The following BAIAP2 variants were observed in gnomAD, a reference collection of about 807,000 sequenced individuals.
BAIAP2 encodes the protein BAR/IMD domain containing adaptor protein 2, also known as BAR/IMD domain-containing adapter protein 2.
A neutral mutation model predicts 63.0 loss-of-function variants in BAIAP2; 18 were observed. The observed-to-expected ratio is 0.29, with a 90% confidence interval of 0.20 to 0.42. The LOEUF (loss-of-function observed/expected upper bound fraction) is 0.42, where lower values mean the gene tolerates loss of function less well. BAIAP2 is among the 10% of genes least tolerant of loss of function. BAIAP2 has a pLI of 1.00. For missense variants in BAIAP2, 610 were observed against 734.3 expected (o/e 0.83, Z 1.96); for synonymous variants, 386 against 307.6 (o/e 1.25, Z -2.67).
intron 3 of BAIAP2, among the ~76,000 whole-genome samples, chr17:81,079,109 C>T (rs1229233475): frequency 6.6e-6 from 1 of 152,224 alleles, no homozygotes; most frequent in Non-Finnish European, 1.5e-5. Context: ...CAAGCAGAAC[C>T]AACCCGAGGA....
intron 13 of BAIAP2, 111 bp downstream of exon 13, chr17:81,108,620 G>A (rs939869914): frequency 2.4e-5 from 34 of 1,409,022 alleles, no homozygotes; most frequent in Non-Finnish European, 3.2e-5. Context: ...TTAGGGCCCA[G>A]CCTGGCCCTT....
intron 3 of BAIAP2, among the ~76,000 whole-genome samples, chr17:81,078,897 G>A (rs1322327843): frequency 6.6e-6 from 1 of 152,132 alleles, no homozygotes; most frequent in African/African-American, 2.4e-5. Flanking sequence ...CCTTTGAGCT[G>A]TGGGGGTGTC....
At chr17:81,099,680 C>G (rs975318865) in intron 6 of BAIAP2, among the ~76,000 whole-genome samples, 2 of 152,142 alleles carry the variant, frequency 1.3e-5, no homozygotes, top group Non-Finnish European at 2.9e-5. Context: ...TCCACTCACC[C>G]AGAGTGGTCC....
chr17:81,107,288 C>A, intron 12 of BAIAP2: 1 of 206,022 alleles, frequency 4.9e-6, no homozygotes, highest in Non-Finnish European at 9.7e-6. Flanking sequence ...GGATCTCTTC[C>A]GTGAGAACCA....
chr17:81,051,614 C>T (rs971936910), intron 1 of BAIAP2, among the ~76,000 whole-genome samples: 19 of 152,310 alleles, frequency 1.2e-4, no homozygotes, highest in Admixed American at 1.0e-3. Flanking sequence ...CCAGGATGGT[C>T]TCCATCTGAC....
intron 3 of BAIAP2, among the ~76,000 whole-genome samples, chr17:81,062,843 G>A (rs1161242423): frequency 2.0e-5 from 3 of 151,910 alleles, no homozygotes; most frequent in Admixed American, 1.3e-4. Context: ...GCCTCACACC[G>A]TCGTCTTCCA....
chr17:81,100,138 C>T, intron 7 of BAIAP2, 58 bp downstream of exon 7: 16 of 1,548,664 alleles, frequency 1.0e-5, no homozygotes, highest in African/African-American at 1.4e-5. Context: ...AGAAATGACC[C>T]AGGCCCCTGC....
At chr17:81,056,306 G>A (rs1448554997) in intron 2 of BAIAP2, 1 of 152,240 alleles carries the variant, frequency 6.6e-6, no homozygotes, top group African/African-American at 2.4e-5. Flanking sequence ...CTGAATCTTG[G>A]CCATTACAAT....
chr17:81,113,831 G>A (rs765953831), intron 13 of BAIAP2, among the ~76,000 whole-genome samples: 17 of 152,292 alleles, frequency 1.1e-4, no homozygotes, highest in Admixed American at 8.5e-4. Context: ...CCAGGCAAGC[G>A]ATGTGCCTTT....
At chr17:81,053,368 A>C (rs1341446375) in intron 1 of BAIAP2, 3 of 365,870 alleles carry the variant, frequency 8.2e-6, no homozygotes, top group Non-Finnish European at 1.5e-5. Flanking sequence ...CGCCAGTTGT[A>C]TTCTGCCTGC....
At chr17:81,063,992 T>G (rs895836063) in intron 3 of BAIAP2, 2 of 152,284 alleles carry the variant, frequency 1.3e-5, no homozygotes, top group Admixed American at 1.3e-4. Context: ...GAGGTGGTTT[T>G]CAGTGATTTG....
At chr17:81,115,257 T>G (rs1366915198) in intron 13 of BAIAP2, among the ~76,000 whole-genome samples, 1 of 152,218 alleles carries the variant, frequency 6.6e-6, no homozygotes, top group Admixed American at 6.5e-5. Context: ...TGGGTGTCCA[T>G]CTGCAGCCCT....
intron 6 of BAIAP2, among the ~76,000 whole-genome samples, chr17:81,092,361 C>T (rs1350329809): frequency 1.3e-5 from 2 of 152,356 alleles, no homozygotes; most frequent in South Asian, 2.1e-4. Context: ...GCGGCCAGGC[C>T]TTCAGCCTGA....
intron 3 of BAIAP2, among the ~76,000 whole-genome samples, chr17:81,082,070 C>T (rs573490178): frequency 5.3e-5 from 8 of 152,144 alleles, no homozygotes; most frequent in South Asian, 2.1e-4. Flanking sequence ...CTCCTGGCCC[C>T]GGGGCCAGCG....
rs924800958 is a variant in BAIAP2, at chr17:81,114,548, C to T, written c.1536-1222C>T. ...CACGTTGAGAGTAGATCAAAAGATC[C>T]TTTCAGCAGGGTGCCAATGCTTAGA... On this transcript the variant is annotated intron_variant, in intron 13 of 13. Transcript: ENST00000428708. 2.6e-4 allele frequency among the ~76,000 whole-genome samples: 40 copies of T among 152,222 alleles called. 1 individual carries two copies. Among genetic ancestry groups the T allele is most frequent in the Admixed American group, 3.9e-4 (6 of 15,280 alleles).
At chr17:81,107,062 G>A in intron 12 of BAIAP2, 155 bp downstream of exon 12, 1 of 920,858 alleles carries the variant, frequency 1.1e-6, no homozygotes, top group Non-Finnish European at 1.6e-6. Context: ...TTGGGAATGT[G>A]TACACACCCC....
intron 13 of BAIAP2, chr17:81,110,270 G>C (rs1355698487): frequency 2.0e-6 from 2 of 985,718 alleles, no homozygotes; most frequent in African/African-American, 3.5e-5. Flanking sequence ...ATTAAGGAGA[G>C]CTCAAGGGCG....
intron 1 of BAIAP2, among the ~76,000 whole-genome samples, chr17:81,048,632 CA>C (rs939440977): frequency 6.6e-6 from 1 of 152,174 alleles, no homozygotes; most frequent in African/African-American, 2.4e-5. Context: ...GCTCGCCAGC[CA>C]AAAGGGCTCC....
chr17:81,104,748 C>T (rs2058916531), intron 10 of BAIAP2, 33 bp downstream of exon 10: 3 of 1,530,444 alleles, frequency 2.0e-6, no homozygotes, highest in South Asian at 1.2e-5. Context: ...CTCCAGGCAG[C>T]CGCTGCCTTC....
Sources: gnomAD v4.1 joint callset for allele counts (sites outside exome capture counted in the v4.1 genomes callset) on GRCh38, gnomAD v4.1.1 for gene constraint, MANE v1.5 for transcripts, NCBI Gene and HGNC (gene_info 2026-07-23, HGNC 2026-07-21) for gene names.